The following C4BPA variants were observed in gnomAD, a reference collection of about 807,000 sequenced individuals.
The protein encoded by C4BPA is complement component 4 binding protein alpha.
In C4BPA, 31 loss-of-function variants were observed where a neutral mutation model predicts 63.7. The ratio of observed to expected loss-of-function variants is 0.49; its 90% CI spans 0.37 to 0.66. The LOEUF (loss-of-function observed/expected upper bound fraction) is 0.66, where lower values mean the gene tolerates loss of function less well. Ranked by LOEUF, C4BPA falls within the 30% of genes least tolerant of loss-of-function variation. The pLI, the probability that C4BPA is intolerant of heterozygous loss-of-function variation, is 0.00. For synonymous variants in C4BPA, 259 were observed against 254.7 expected (o/e 1.02, Z -0.16); for missense variants, 572 against 723.3 (o/e 0.79, Z 2.40).
intron 1 of C4BPA, among the ~76,000 whole-genome samples, chr1:207,105,170 A>C (rs957320211): frequency 6.6e-6 from 1 of 152,202 alleles, no homozygotes; most frequent in African/African-American, 2.4e-5. Flanking sequence ...AAAGTAGACT[A>C]CAGAAGAGGC....
chr1:207,119,824 G>A (rs562444339), intron 4 of C4BPA, among the ~76,000 whole-genome samples: 3 of 29,142 alleles, frequency 1.0e-4, no homozygotes, highest in African/African-American at 1.9e-4. Flanking sequence ...AACTGGTCAT[G>A]TGGTTGTAGC....
At position 207,112,906 on chromosome 1, in the gene C4BPA, T is replaced by G. The variant is rs898444722; in HGVS notation, c.-25-95T>G. The G allele has an allele frequency of 5.8e-6, 7 of 1,204,594 alleles. No individual in the cohort carries two copies. The African/African-American group carries it at 9.4e-5, about 16-fold the overall frequency. The allele number at this position is 1,204,594 out of a possible 1,614,324, so 74.6% of individuals were successfully genotyped here. A position where few individuals can be genotyped will look rare whatever the true frequency, so the allele number is the denominator to read the frequency against. ...GTTTTGTTTCCACTCCAGGCTGTCA[T>G]TTCCTTGAAGACATGGATCCCATAA... On this transcript the variant is annotated intron_variant, in intron 1 of 11. Coordinates refer to ENST00000367070, the MANE Select transcript of C4BPA (RefSeq NM_000715.4).
intron 4 of C4BPA, among the ~76,000 whole-genome samples, chr1:207,117,583 A>AGAATTAAGTT (rs754761008): frequency 3.3e-5 from 5 of 152,242 alleles, no homozygotes; most frequent in Non-Finnish European, 5.9e-5. Flanking sequence ...ACCAGGCCTG[A>AGAATTAAGTT]GAATTAAGTT....
intron 4 of C4BPA, among the ~76,000 whole-genome samples, chr1:207,120,250 G>A (rs967531941): frequency 1.3e-5 from 2 of 152,098 alleles, no homozygotes; most frequent in African/African-American, 4.8e-5. Flanking sequence ...GTAAAATACA[G>A]GATGCCCAGT....
At chr1:207,123,557 G>A (rs1214536242) in intron 4 of C4BPA, among the ~76,000 whole-genome samples, 1 of 152,150 alleles carries the variant, frequency 6.6e-6, no homozygotes, top group African/African-American at 2.4e-5. Context: ...GTCAGAGGAA[G>A]CTTCAAGCCA....
chr1:207,132,227 C>T (rs1052237320), intron 8 of C4BPA, among the ~76,000 whole-genome samples: 14 of 152,180 alleles, frequency 9.2e-5, no homozygotes, highest in Admixed American at 1.3e-4. Context: ...AAGACAAATC[C>T]TGACTCGTGA....
chr1:207,141,196 A>T lies in C4BPA; in HGVS notation c.1364A>T (p.Asp455Val), dbSNP rs775207524. 1.2e-6 allele frequency: 2 copies of T among 1,613,394 alleles called. No individual in the cohort carries two copies. The highest frequency in any genetic ancestry group is 1.1e-5 in the South Asian group (1 of 91,050). Residue 455 changes from aspartate (D) to valine (V), a missense_variant, in exon 10 of 12, where the codon GAT (aspartate) becomes GTT (valine). This residue lies in a region of C4BPA where 465 missense variants were observed against 629.4 expected (regional missense o/e 0.74). Coordinates refer to ENST00000367070, the MANE Select transcript of C4BPA (RefSeq NM_000715.4). ...FFKEEIIYEC[D>V]KGYILVGQAK... Reference sequence around the variant, plus strand: ...AAAGAAGAGATTATATATGAATGTGATAAAGGCTACATTCTGGTCGGACAG... The same window carrying T: ...AAAGAAGAGATTATATATGAATGTGTTAAAGGCTACATTCTGGTCGGACAG...
At chr1:207,118,129 A>ATCTG (rs1307331278) in intron 4 of C4BPA, among the ~76,000 whole-genome samples, 1 of 78,058 alleles carries the variant, frequency 1.3e-5, no homozygotes, top group African/African-American at 4.4e-5. Context: ...TCTATCTATC[A>ATCTG]TCTATCTGTC....
Position 207,144,842 on chromosome 1 carries a change from G to A in C4BPA, c.*125G>A, listed in dbSNP as rs994025100. ...TTCATCATAATAAATATCTAGAAAT[G>A]ATAATTTGCTAAAGTTTAGTGCTTT... On this transcript the variant is annotated 3_prime_UTR_variant, in exon 12 of 12. Transcript: ENST00000367070. 1 of 510,628 alleles carries A rather than the reference G, an allele frequency of 2.0e-6. No homozygotes were observed. Among genetic ancestry groups the A allele is most frequent in the South Asian group, 5.5e-5 (1 of 18,058 alleles). 31.6% of individuals were successfully genotyped at this position (510,628 alleles called of 1,614,324 possible). A position where few individuals can be genotyped will look rare whatever the true frequency, so the allele number is the denominator to read the frequency against.
chr1:207,104,875 C>G (rs1684527289), intron 1 of C4BPA, among the ~76,000 whole-genome samples: 1 of 152,142 alleles, frequency 6.6e-6, no homozygotes, highest in South Asian at 2.1e-4. Flanking sequence ...ATTTGATTAA[C>G]CACTCCAAAT....
intron 4 of C4BPA, among the ~76,000 whole-genome samples, chr1:207,118,885 G>A (rs1304846286): frequency 6.6e-6 from 1 of 152,068 alleles, no homozygotes. Context: ...AGGATTTATT[G>A]TAGGGACCTG....
At chr1:207,113,414 G>A (rs1309774291) in intron 2 of C4BPA, among the ~76,000 whole-genome samples, 1 of 152,034 alleles carries the variant, frequency 6.6e-6, no homozygotes, top group African/African-American at 2.4e-5. Context: ...CATCTATATG[G>A]ATGATAATAT....
At chr1:207,127,314 T>G (rs1452618053) in intron 7 of C4BPA, 3 of 152,682 alleles carry the variant, frequency 2.0e-5, no homozygotes, top group African/African-American at 7.2e-5. Context: ...TACAAAAGTA[T>G]TGTGTGAACT....
Position 207,112,661 on chromosome 1 carries a change from C to G in C4BPA, c.-25-340C>G, listed in dbSNP as rs376220647. On this transcript the variant is annotated intron_variant, in intron 1 of 11. Coordinates refer to ENST00000367070, the MANE Select transcript of C4BPA (RefSeq NM_000715.4). ...CATCTGTAAACTGTCCCTTCCCCAT[C>G]TCAGACATTCAGCCAAATTGGAATA... 1.1e-4 allele frequency among the ~76,000 whole-genome samples: 16 copies of G among 152,322 alleles called. 1 individual carries two copies. The highest frequency in any genetic ancestry group is 3.4e-4 in the African/African-American group (14 of 41,568).
At chr1:207,124,097 C>A in intron 5 of C4BPA, 78 bp from the exon 6 acceptor site, 1 of 1,499,166 alleles carries the variant, frequency 6.7e-7, no homozygotes, top group Non-Finnish European at 9.3e-7. Flanking sequence ...GTGTACCTTC[C>A]ATTAGAATTT....
Position 207,126,773 on chromosome 1 carries a change from T to A in C4BPA, c.767T>A (p.Ile256Asn). The A allele has an allele frequency of 6.2e-7, 1 of 1,612,880 alleles. No homozygotes were observed. Among genetic ancestry groups the A allele is most frequent in the Non-Finnish European group, 8.5e-7 (1 of 1,179,250 alleles). Residue 256 changes from isoleucine (I) to asparagine (N), a missense_variant, in exon 7 of 12, where the codon ATC becomes AAC. Ile to Asn is a moderately radical substitution (Grantham distance 149). Around this residue, in one of 2 missense-constraint regions of C4BPA, gnomAD observed 465 missense variants for 629.4 expected, o/e 0.74. Transcript: ENST00000367070. ...GAAATGGTCTCTGGATTTGGACCCA[T>A]CTATAATTACAAAGACACTATTGTG... The part of the protein sequence containing the change: ...HGEMVSGFGP[I>N]YNYKDTIVFK...
intron 4 of C4BPA, among the ~76,000 whole-genome samples, chr1:207,121,331 C>T (rs1684918349): frequency 6.6e-6 from 1 of 152,084 alleles, no homozygotes; most frequent in Admixed American, 6.6e-5. Flanking sequence ...CATAAAGATT[C>T]ATAGCTCTTC....
At chr1:207,126,283 TA>T (rs1367444330) in intron 6 of C4BPA, among the ~76,000 whole-genome samples, 1 of 147,784 alleles carries the variant, frequency 6.8e-6, no homozygotes, top group Non-Finnish European at 1.5e-5. Flanking sequence ...ATATCAAATA[TA>T]AAAATATATA....
At position 207,113,161 on chromosome 1, in the gene C4BPA, G is replaced by C. The variant is rs766717796; in HGVS notation, c.136G>C (p.Val46Leu). Residue 46 changes from valine to leucine, a missense_variant, in exon 2 of 12, where the codon GTT (valine) becomes CTT (leucine). Physicochemically the swap from Val to Leu is conservative, Grantham distance 32. Around this residue, in one of 2 missense-constraint regions of C4BPA, gnomAD observed 107 missense variants for 93.9 expected, o/e 1.14. Transcript: ENST00000367070. ...MTLIAALLPA[V>L]LGNCGPPPTL... ...CTTGATCGCTGCTCTGTTGCCTGCTGTTCTTGGTGAGTAGTGGGAAACAAG... is the reference window on the plus strand; with the variant it reads ...CTTGATCGCTGCTCTGTTGCCTGCTCTTCTTGGTGAGTAGTGGGAAACAAG... The C allele has an allele frequency of 2.4e-5, 38 of 1,609,124 alleles. No individual in the cohort carries two copies. The highest frequency in any genetic ancestry group is 3.4e-5 in the Admixed American group (2 of 58,958).
Sources: allele counts gnomAD v4.1 joint callset (sites outside exome capture counted in the v4.1 genomes callset), GRCh38; gene constraint gnomAD v4.1.1; regional missense constraint gnomAD v4.1.1; transcripts MANE v1.5; gene names NCBI Gene and HGNC (gene_info 2026-07-23, HGNC 2026-07-21).